Variants in NAALADL2 observed in about 807,000 individuals in gnomAD.
NAALADL2 encodes the protein inactive N-acetylated-alpha-linked acidic dipeptidase-like protein 2.
Under a neutral mutation model 87.2 loss-of-function variants are expected in NAALADL2, and 76 were observed. The observed-to-expected ratio is 0.87, with a 90% CI of 0.72 to 1.05. The LOEUF is 1.05. NAALADL2 is among the 50% of genes least tolerant of loss of function. The pLI is 0.00. For synonymous variants in NAALADL2, 354 were observed against 331.0 expected (o/e 1.07, Z -0.75); for missense variants, 1,089 against 945.8 (o/e 1.15, Z -1.99).
intron 4 of NAALADL2, among the ~76,000 whole-genome samples, chr3:175,308,179 A>G (rs772497978): frequency 2.0e-5 from 3 of 152,210 alleles, no homozygotes; most frequent in Non-Finnish European, 4.4e-5. Flanking sequence ...ATAAACCCAC[A>G]TGGAAAGAAG....
At position 175,447,445 on chromosome 3, in the gene NAALADL2, T is replaced by C. The variant is rs1720886633; in HGVS notation, c.1234+73T>C. On this transcript the variant is annotated intron_variant, in intron 6 of 13. Coordinates refer to ENST00000454872, the MANE Select transcript of NAALADL2 (RefSeq NM_207015.3). ...CCATGATCATTTTTAATCTCCTAAA[T>C]TGATGTATGTAGGATTATTCTTTTC... is the stretch of plus-strand genomic sequence containing the variant. The C allele has an allele frequency of 2.9e-6, 3 of 1,022,338 alleles. No homozygotes were observed. The African/African-American group carries it at 4.9e-5, about 17-fold the overall frequency. The allele number at this position is 1,022,338 out of a possible 1,614,324, so 63.3% of individuals were successfully genotyped here.
At chr3:175,392,936 CTTTTGA>C (rs1769251157) in intron 5 of NAALADL2, among the ~76,000 whole-genome samples, 2 of 152,100 alleles carry the variant, frequency 1.3e-5, no homozygotes, top group African/African-American at 4.8e-5. Flanking sequence ...AAATCAAAAT[CTTTTGA>C]ACTAAGGAAC....
At chr3:174,865,898 A>G (rs937032820) in intron 1 of NAALADL2, among the ~76,000 whole-genome samples, 4 of 151,844 alleles carry the variant, frequency 2.6e-5, no homozygotes, top group African/African-American at 9.7e-5. Context: ...GAAACAGAGG[A>G]TTTTTCAAAA....
chr3:175,620,936 C>A (rs147295393), intron 10 of NAALADL2, among the ~76,000 whole-genome samples: 23 of 152,208 alleles, frequency 1.5e-4, no homozygotes, highest in African/African-American at 5.3e-4. Context: ...CAAGAGGGGA[C>A]CCAAAAGCGG....
intron 1 of NAALADL2, among the ~76,000 whole-genome samples, chr3:175,041,937 G>C (rs1463956345): frequency 6.6e-6 from 1 of 151,980 alleles, no homozygotes; most frequent in Non-Finnish European, 1.5e-5. Flanking sequence ...GTGTATGATG[G>C]GAACAGTTAA....
At chr3:174,924,575 C>G (rs1220003325) in intron 1 of NAALADL2, among the ~76,000 whole-genome samples, 2 of 151,862 alleles carry the variant, frequency 1.3e-5, no homozygotes, top group African/African-American at 2.4e-5. Context: ...GGGTATATAC[C>G]CAGTTGTGGG....
At chr3:175,560,714 C>T (rs572687861) in intron 9 of NAALADL2, among the ~76,000 whole-genome samples, 17 of 152,148 alleles carry the variant, frequency 1.1e-4, no homozygotes, top group Non-Finnish European at 8.8e-5. Context: ...CTCCGCCTCC[C>T]GGGTTCAAGT....
intron 1 of NAALADL2, among the ~76,000 whole-genome samples, chr3:174,526,034 C>A (rs2108427540): frequency 6.6e-6 from 1 of 152,210 alleles, no homozygotes; most frequent in Admixed American, 6.5e-5. Context: ...ATCCTAAAGC[C>A]TGAAATAAAT....
intron 1 of NAALADL2, among the ~76,000 whole-genome samples, chr3:174,501,362 G>A (rs1718886131): frequency 6.6e-6 from 1 of 152,070 alleles, no homozygotes; most frequent in Admixed American, 6.5e-5. Flanking sequence ...ACAGGCGTGA[G>A]CCACCGCGCC....
intron 2 of NAALADL2, among the ~76,000 whole-genome samples, chr3:175,103,036 G>A (rs1722490228): frequency 6.7e-6 from 1 of 149,214 alleles, no homozygotes; most frequent in Non-Finnish European, 1.5e-5. Context: ...TTGAACCCAG[G>A]AGGCGGAGGT....
chr3:175,536,981 CA>C (rs200286548), intron 9 of NAALADL2, among the ~76,000 whole-genome samples: 8 of 147,924 alleles, frequency 5.4e-5, no homozygotes, highest in East Asian at 2.0e-4. Flanking sequence ...GACTCCGTCT[CA>C]AAAAAAAAAT....
In NAALADL2 at chr3:175,199,819, AATATATATATATATATATATAT is replaced by A. The variant is rs1273667396; in HGVS notation, c.546-34087_546-34066del. 3.6e-3 allele frequency among the ~76,000 whole-genome samples: 76 copies of A among 21,318 alleles called. 1 individual carries two copies. The highest frequency in any genetic ancestry group is 7.8e-3 in the African/African-American group (65 of 8,310). The allele number at this position is 21,318 out of a possible 152,430, so 14.0% of individuals were successfully genotyped here. A position where few individuals can be genotyped will look rare whatever the true frequency, so the allele number is the denominator to read the frequency against. On this transcript the variant is annotated intron_variant, in intron 2 of 13. Coordinates refer to ENST00000454872, the MANE Select transcript of NAALADL2 (RefSeq NM_207015.3). ...TTTTTCTTTGTGTAGGGGGGAAAGA[AATATATATATATATATATATAT>A]ATATATATATATATATATATATATT...
chr3:175,404,857 G>A (rs527723511), intron 5 of NAALADL2, among the ~76,000 whole-genome samples: 1 of 152,130 alleles, frequency 6.6e-6, no homozygotes, highest in South Asian at 2.1e-4. Flanking sequence ...CACATTTCTG[G>A]GAACATTATA....
intron 2 of NAALADL2, among the ~76,000 whole-genome samples, chr3:174,641,794 C>T (rs1723215428): frequency 6.6e-6 from 1 of 152,110 alleles, no homozygotes. Flanking sequence ...CTTGTTCTGT[C>T]ACCCAGGGTG....
chr3:174,935,370 T>C (rs1160140939), intron 1 of NAALADL2, among the ~76,000 whole-genome samples: 1 of 152,154 alleles, frequency 6.6e-6, no homozygotes, highest in African/African-American at 2.4e-5. Context: ...AAAATCCTGG[T>C]TCATGTATCT....
chr3:175,300,906 C>A (rs1485826762), intron 4 of NAALADL2, among the ~76,000 whole-genome samples: 1 of 151,958 alleles, frequency 6.6e-6, no homozygotes, highest in Admixed American at 6.6e-5. Flanking sequence ...CCATGCCCAG[C>A]TAATTTTATA....
At chr3:174,622,305 T>C (rs1721089625) in intron 2 of NAALADL2, among the ~76,000 whole-genome samples, 1 of 152,208 alleles carries the variant, frequency 6.6e-6, no homozygotes, top group African/African-American at 2.4e-5. Flanking sequence ...TATGAAACTT[T>C]TATTTCTTCA....
rs554145743 is a variant in NAALADL2 at position 175,116,753 on chromosome 3, A to C, written c.545+19462A>C. Among the ~76,000 whole-genome samples the C allele has an allele frequency of 1.1e-4, 17 of 151,760 alleles. No homozygotes were observed. The South Asian group carries it at 3.1e-3, about 28-fold the overall frequency. ...ACAAAACCACAACAACAACAAAAAA[A>C]CCAAAAACTTTAAAGTCCATATGGA... On this transcript the variant is annotated intron_variant, in intron 2 of 13. Coordinates refer to ENST00000454872, the MANE Select transcript of NAALADL2 (RefSeq NM_207015.3).
intron 2 of NAALADL2, among the ~76,000 whole-genome samples, chr3:174,610,870 G>A (rs1177991049): frequency 6.6e-6 from 1 of 152,180 alleles, no homozygotes; most frequent in Non-Finnish European, 1.5e-5. Context: ...GCACACATAT[G>A]TTTATTGAGG....
Sources: allele counts gnomAD v4.1 joint callset (sites outside exome capture counted in the v4.1 genomes callset), GRCh38; gene constraint gnomAD v4.1.1; transcripts MANE v1.5; gene names NCBI Gene and HGNC (gene_info 2026-07-23, HGNC 2026-07-21).